LRRC37B: variants seen among roughly 807,000 people sequenced by gnomAD.
The protein encoded by LRRC37B is leucine-rich repeat-containing protein 37B.
Under a neutral mutation model 98.3 loss-of-function variants are expected in LRRC37B, and 28 were observed. The ratio of observed to expected loss-of-function variants is 0.28; its 90% CI spans 0.21 to 0.39. LRRC37B has a LOEUF of 0.39. Among genes scored for constraint, LRRC37B ranks in the 10% least tolerant of loss-of-function variants. The pLI is 1.00. For missense variants in LRRC37B, 938 were observed against 1,182.7 expected, an observed-to-expected ratio of 0.79 and a Z score of 3.03; for synonymous variants, 364 against 442.7, an observed-to-expected ratio of 0.82 and a Z score of 2.23.
At chr17:32,039,119 T>C (rs1304844663) in intron 7 of LRRC37B, among the ~76,000 whole-genome samples, 1 of 152,144 alleles carries the variant, frequency 6.6e-6, no homozygotes, top group Non-Finnish European at 1.5e-5. Context: ...GTGAGGTTTA[T>C]TGTTTTTTTG....
chr17:32,041,624 C>T (rs1344332445), intron 7 of LRRC37B: 1 of 465,692 alleles, frequency 2.1e-6, no homozygotes, highest in South Asian at 1.5e-5. Flanking sequence ...AGGCGGTGTC[C>T]AAGCCTGCCG....
intron 4 of LRRC37B, among the ~76,000 whole-genome samples, chr17:32,030,949 G>A (rs1471925253): frequency 5.9e-5 from 9 of 152,164 alleles, no homozygotes; most frequent in African/African-American, 2.2e-4. Context: ...GTGTGATTTT[G>A]TACTCAGGTG....
exon 1 of LRRC37B, chr17:32,022,069 C>G (rs1327862624): frequency 6.2e-7 from 1 of 1,613,838 alleles, no homozygotes; most frequent in Non-Finnish European, 8.5e-7. Context: ...GCTCTGCCTC[C>G]AGAGTCCTCT....
chr17:32,012,708 T>C (rs1240814069), intron 1 of LRRC37B, among the ~76,000 whole-genome samples: 1 of 149,750 alleles, frequency 6.7e-6, no homozygotes, highest in African/African-American at 2.5e-5. Context: ...AGAGCAAGAC[T>C]CCATCTCAAA....
At chr17:32,040,569 G>A (rs1911396048) in intron 7 of LRRC37B, 1 of 763,386 alleles carries the variant, frequency 1.3e-6, no homozygotes, top group Admixed American at 1.7e-5. Flanking sequence ...GGCGGTGACG[G>A]AAATGCTGGC....
At chr17:32,053,332 T>A in exon 12 of LRRC37B, 2 of 1,600,440 alleles carry the variant, frequency 1.2e-6, no homozygotes, top group Non-Finnish European at 1.7e-6. Flanking sequence ...AGCCTGAGCA[T>A]GAGTTAAAGC....
chr17:32,033,335 G>A (rs1598208214), intron 5 of LRRC37B, among the ~76,000 whole-genome samples: 1 of 150,002 alleles, frequency 6.7e-6, no homozygotes, highest in East Asian at 2.0e-4. Flanking sequence ...AGGGAGGGAG[G>A]GGAGGGAGGG....
At chr17:32,022,804 A>G (rs1404166189) in exon 1 of LRRC37B, 1 of 1,613,896 alleles carries the variant, frequency 6.2e-7, no homozygotes, top group Admixed American at 1.7e-5. Context: ...CCCGACACCT[A>G]CAATGGCATC....
upstream of LRRC37B, chr17:32,020,731 G>A (rs183734250): frequency 1.2e-3 from 520 of 450,430 alleles, 3 homozygotes; most frequent in African/African-American, 8.8e-3. Flanking sequence ...GAGTATTCTC[G>A]GATTTCACCT....
chr17:32,049,504 C>T lies in LRRC37B; in HGVS notation c.2757+110C>T, dbSNP rs1293083970. The T allele has an allele frequency of 3.3e-6, 4 of 1,202,834 alleles. No individual in the cohort carries two copies. In the African/African-American group the frequency reaches 6.3e-5, roughly 19 times the overall value. 74.5% of individuals were successfully genotyped at this position (1,202,834 alleles called of 1,614,324 possible). On this transcript the variant is annotated intron_variant, in intron 10 of 11. Coordinates refer to ENST00000327564, the Ensembl canonical transcript of LRRC37B. Reference sequence around the variant, plus strand: ...CTCCCAGGCCATAGCTTGTCTTGGCCATGTAACTTTGGCCATGACAGTGAT... The same window carrying T: ...CTCCCAGGCCATAGCTTGTCTTGGCTATGTAACTTTGGCCATGACAGTGAT...
chr17:32,044,141 A>C (rs1026320917), intron 7 of LRRC37B, among the ~76,000 whole-genome samples: 4 of 151,654 alleles, frequency 2.6e-5, no homozygotes, highest in Non-Finnish European at 5.9e-5. Context: ...ATTAACCTTG[A>C]GAATTTATTC....
upstream of LRRC37B, among the ~76,000 whole-genome samples, chr17:32,016,516 G>A (rs1327955693): frequency 6.6e-6 from 1 of 152,170 alleles, no homozygotes; most frequent in Non-Finnish European, 1.5e-5. Context: ...TCCCTTGCAT[G>A]AGTTTCCAAA....
chr17:32,034,886 T>C, intron 5 of LRRC37B, 24 bp from the exon 9 acceptor site: 1 of 1,583,062 alleles, frequency 6.3e-7, no homozygotes, highest in Non-Finnish European at 8.7e-7. Flanking sequence ...ATGCAGGTAA[T>C]TTTAATTTCA....
At chr17:32,050,344 GA>G (rs1911717723) in intron 11 of LRRC37B, 5 of 352,908 alleles carry the variant, frequency 1.4e-5, no homozygotes, top group East Asian at 1.1e-4. Context: ...ACTATTTTAA[GA>G]AGTTAAGTTG....
At chr17:32,007,426 G>C (rs1003861603), upstream of LRRC37B, among the ~76,000 whole-genome samples, 1 of 152,268 alleles carries the variant, frequency 6.6e-6, no homozygotes, top group South Asian at 2.1e-4. The surrounding 1 kb of genome is among the most constrained non-coding windows in gnomAD (Gnocchi z 4.1). Flanking sequence ...GCGGTTGAAG[G>C]CGATCTTGAG....
chr17:32,014,648 T>C (rs1430733211), intron 1 of LRRC37B, among the ~76,000 whole-genome samples: 1 of 152,214 alleles, frequency 6.6e-6, no homozygotes, highest in Non-Finnish European at 1.5e-5. Flanking sequence ...AAAATATGTA[T>C]GGTGGTTGAA....
At chr17:32,024,868 G>A (rs1339743622) in intron 2 of LRRC37B, 86 bp downstream of exon 5, 5 of 1,525,088 alleles carry the variant, frequency 3.3e-6, no homozygotes, top group Admixed American at 3.8e-5. Context: ...CCATACCTCT[G>A]AGAAAAGATA....
At chr17:32,021,833 G>A in exon 1 of LRRC37B, 1 of 1,614,162 alleles carries the variant, frequency 6.2e-7, no homozygotes, top group Non-Finnish European at 8.5e-7. Context: ...ATTTGAGTAT[G>A]GACACACTGT....
At chr17:32,032,306 T>G (rs1166957814) in intron 5 of LRRC37B, among the ~76,000 whole-genome samples, 2 of 151,788 alleles carry the variant, frequency 1.3e-5, no homozygotes, top group Non-Finnish European at 2.9e-5. Flanking sequence ...CCTCCCAAAG[T>G]GCTGGGGTTA....
Sources: gnomAD v4.1 joint callset for allele counts (sites outside exome capture counted in the v4.1 genomes callset) on GRCh38, gnomAD v4.1.1 for gene constraint, Gnocchi (gnomAD v3.1) non-coding constraint, MANE v1.5 for transcripts, NCBI Gene and HGNC (gene_info 2026-07-23, HGNC 2026-07-21) for gene names.